ATP6V0A2: variants seen among roughly 807,000 people sequenced by gnomAD.
The protein encoded by ATP6V0A2 is ATPase H+ transporting V0 subunit a2.
ATP6V0A2 carries 58 observed loss-of-function variants against 104.4 expected under a neutral mutation model. The observed-to-expected ratio is 0.56, with a 90% CI of 0.45 to 0.69. ATP6V0A2 has a LOEUF of 0.69. ATP6V0A2 is among the 30% of genes least tolerant of loss of function. ATP6V0A2 has a pLI of 0.00. For synonymous variants in ATP6V0A2, 376 were observed against 397.9 expected, an observed-to-expected ratio of 0.95 and a Z score of 0.65; for missense variants, 938 against 1,062.9, an observed-to-expected ratio of 0.88 and a Z score of 1.63.
At chr12:123,730,735 C>G (rs891779074) in intron 6 of ATP6V0A2, 3 of 152,142 alleles carry the variant, frequency 2.0e-5, no homozygotes, top group Non-Finnish European at 2.9e-5. Context: ...AGCATTTACT[C>G]AAGTTAAAAT....
At chr12:123,737,537 C>G (rs531417894) in intron 9 of ATP6V0A2, 11 of 438,690 alleles carry the variant, frequency 2.5e-5, no homozygotes, top group African/African-American at 1.2e-4. Context: ...GTGTGAGCCA[C>G]TGTGCCCAGC....
chr12:123,737,988 A>G (rs1008691948), intron 9 of ATP6V0A2, among the ~76,000 whole-genome samples: 12 of 152,242 alleles, frequency 7.9e-5, no homozygotes, highest in Non-Finnish European at 1.5e-5. Flanking sequence ...AAATAGCACT[A>G]TGATGTCAAA....
At chr12:123,725,406 A>C (rs971365747) in intron 4 of ATP6V0A2, among the ~76,000 whole-genome samples, 3 of 152,202 alleles carry the variant, frequency 2.0e-5, no homozygotes, top group Non-Finnish European at 4.4e-5. Context: ...TGAGAAAAAA[A>C]TTGAATGAAG....
chr12:123,723,976 C>T (rs551774923), intron 3 of ATP6V0A2: 5 of 151,900 alleles, frequency 3.3e-5, no homozygotes, highest in Admixed American at 6.6e-5. Context: ...TGGTTAGAGA[C>T]GAGGGCCAGT....
chr12:123,743,242 G>T (rs925029216), intron 9 of ATP6V0A2, among the ~76,000 whole-genome samples: 1 of 152,076 alleles, frequency 6.6e-6, no homozygotes, highest in Non-Finnish European at 1.5e-5. Flanking sequence ...CCCAAGTGCC[G>T]CCCTTGCCAC....
chr12:123,745,785 G>A (rs1014934239), intron 13 of ATP6V0A2, among the ~76,000 whole-genome samples: 3 of 152,092 alleles, frequency 2.0e-5, no homozygotes, highest in Non-Finnish European at 2.9e-5. Flanking sequence ...CTCAGCAGGC[G>A]GTGGCTGAGG....
In ATP6V0A2 at chr12:123,716,661, C is replaced by T. The variant is rs149659995; in HGVS notation, c.118-1962C>T. ...CAAAAATTAGCCGGGTGTGGTGGCA[C>T]GTGCCTTTAATCCCAGCTACTCAGG... On this transcript the variant is annotated intron_variant, in intron 1 of 19. Transcript: ENST00000330342. Among the ~76,000 whole-genome samples, 11 of 151,800 alleles carry T rather than the reference C, an allele frequency of 7.2e-5. No homozygotes were observed. The East Asian group carries it at 1.6e-3, about 22-fold the overall frequency.
At chr12:123,718,552 T>A (rs1956366775) in intron 1 of ATP6V0A2, 71 bp from the exon 2 acceptor site, 1 of 1,147,870 alleles carries the variant, frequency 8.7e-7, no homozygotes, top group Non-Finnish European at 1.3e-6. Flanking sequence ...ACTTTGGTGA[T>A]GTTTTATTTT....
intron 1 of ATP6V0A2, among the ~76,000 whole-genome samples, chr12:123,714,661 A>G (rs1050641738): frequency 3.9e-5 from 6 of 152,186 alleles, no homozygotes; most frequent in African/African-American, 7.2e-5. Flanking sequence ...CGGTTTTACT[A>G]GGTTAAATGT....
chr12:123,734,997 T>G (rs1956536622), intron 7 of ATP6V0A2, among the ~76,000 whole-genome samples: 1 of 152,172 alleles, frequency 6.6e-6, no homozygotes, highest in South Asian at 2.1e-4. Context: ...TGTTAACATA[T>G]GAAGGTGGTC....
chr12:123,735,216 A>T (rs1312115040), intron 7 of ATP6V0A2, among the ~76,000 whole-genome samples: 1 of 151,442 alleles, frequency 6.6e-6, no homozygotes, highest in African/African-American at 2.4e-5. Context: ...TTGTGTTTAA[A>T]CCTGTTCAGT....
At chr12:123,738,797 G>A (rs181996710) in intron 9 of ATP6V0A2, among the ~76,000 whole-genome samples, 4 of 152,314 alleles carry the variant, frequency 2.6e-5, no homozygotes, top group African/African-American at 9.6e-5. Flanking sequence ...TCAAGTGACA[G>A]TTAAGGGAAC....
At position 123,748,756 on chromosome 12, in the gene ATP6V0A2, A is replaced by G. The variant is rs1183622799; in HGVS notation, c.1906A>G (p.Ser636Gly). ...TATTAACATGTTTTTATTCCCAGCC[A>G]GTAAAACAAGTGGCCTTTACACAGG... is the stretch of plus-strand genomic sequence containing the variant. ...EFINMFLFPA[S>G]KTSGLYTGQE... Residue 636 changes from serine (S) to glycine (G), a missense_variant, in exon 15 of 20, where the codon AGT (serine) becomes GGT (glycine). Coordinates refer to ENST00000330342, the MANE Select transcript of ATP6V0A2 (RefSeq NM_012463.4). 3 of 1,614,214 alleles carry G rather than the reference A, an allele frequency of 1.9e-6. No homozygotes were observed. The South Asian group carries it at 3.3e-5, about 18-fold the overall frequency.
rs60619560 is a variant in ATP6V0A2, at chr12:123,721,677, G to A, written c.197-674G>A. The A allele has an allele frequency of 6.1e-3, 1,180 of 194,224 alleles. 16 individuals are homozygous for A. The highest frequency in any genetic ancestry group is 0.025 in the African/African-American group (1,091 of 43,028). The allele number at this position is 194,224 out of a possible 1,614,324, so 12.0% of individuals were successfully genotyped here. On this transcript the variant is annotated intron_variant, in intron 2 of 19. Coordinates refer to ENST00000330342, the MANE Select transcript of ATP6V0A2 (RefSeq NM_012463.4). The stretch of plus-strand genomic sequence containing the variant: ...CCTGACACTTGCCCCCCAGGCTGCC[G>A]AGGGCAGCAATTGCAAGACCCAGCC...
chr12:123,752,522 C>A, intron 17 of ATP6V0A2, 120 bp downstream of exon 17: 3 of 1,220,190 alleles, frequency 2.5e-6, no homozygotes, highest in Admixed American at 2.0e-5. Flanking sequence ...GGACTTCCAG[C>A]CTCCACAACT....
chr12:123,752,487 A>G, intron 17 of ATP6V0A2, 85 bp downstream of exon 17: 3 of 1,537,054 alleles, frequency 2.0e-6, no homozygotes, highest in Non-Finnish European at 2.7e-6. Context: ...ATATTTAATC[A>G]TCTTAAAAAA....
chr12:123,716,263 C>T (rs1206300505), intron 1 of ATP6V0A2, among the ~76,000 whole-genome samples: 2 of 151,820 alleles, frequency 1.3e-5, no homozygotes, highest in Admixed American at 6.6e-5. Flanking sequence ...GACGGGGTTT[C>T]ACCATGTTGG....
chr12:123,756,588 A>G, intron 18 of ATP6V0A2: 1 of 567,660 alleles, frequency 1.8e-6, no homozygotes, highest in Admixed American at 3.1e-5. Flanking sequence ...CCTTTGGGAG[A>G]TGGCCTCTGA....
intron 1 of ATP6V0A2, among the ~76,000 whole-genome samples, chr12:123,714,171 G>C (rs12828408): frequency 0.36 from 54,296 of 151,806 alleles, 10,127 homozygotes; most frequent in African/African-American, 0.41. Flanking sequence ...TTACAGGTTT[G>C]AGCAAACGTA....
Sources: gnomAD v4.1 joint callset for allele counts (sites outside exome capture counted in the v4.1 genomes callset) on GRCh38, gnomAD v4.1.1 for gene constraint, MANE v1.5 for transcripts, NCBI Gene and HGNC (gene_info 2026-07-23, HGNC 2026-07-21) for gene names.